PLD1: variants seen among roughly 807,000 people sequenced by gnomAD.
PLD1 encodes phospholipase D1.
In PLD1, 112 loss-of-function variants were observed where a neutral mutation model predicts 137.1. That is an observed-to-expected ratio of 0.82 (90% CI 0.70 to 0.96). The LOEUF (loss-of-function observed/expected upper bound fraction) is 0.96, where lower values mean the gene tolerates loss of function less well. Ranked by LOEUF, PLD1 falls within the 40% of genes least tolerant of loss-of-function variation. The probability of loss-of-function intolerance (pLI) is 0.00; values close to 1 mark genes in which losing one functional copy is unlikely to be tolerated. For missense variants in PLD1, 1,321 were observed against 1,342.0 expected (o/e 0.98, Z 0.24); for synonymous variants, 431 against 454.7 (o/e 0.95, Z 0.66).
intron 1 of PLD1, among the ~76,000 whole-genome samples, chr3:171,806,459 T>C (rs1402979623): frequency 1.3e-5 from 2 of 152,240 alleles, no homozygotes; most frequent in Non-Finnish European, 2.9e-5. Flanking sequence ...AAGTTAGGTT[T>C]ACATGTTTCT....
intron 1 of PLD1, among the ~76,000 whole-genome samples, chr3:171,776,443 T>C (rs1194162114): frequency 6.6e-6 from 1 of 152,234 alleles, no homozygotes; most frequent in East Asian, 1.9e-4. Flanking sequence ...TGATTGGTGA[T>C]CCAGAGTGAA....
chr3:171,705,228 G>GA (rs1716589736), intron 11 of PLD1, among the ~76,000 whole-genome samples: 1 of 152,076 alleles, frequency 6.6e-6, no homozygotes, highest in South Asian at 2.1e-4. Context: ...GGAAAGTTCA[G>GA]AAAAAATGTG....
chr3:171,673,605 T>C (rs1042251374), intron 19 of PLD1, among the ~76,000 whole-genome samples: 40 of 152,150 alleles, frequency 2.6e-4, no homozygotes, highest in African/African-American at 9.4e-4. Context: ...TGATCTACAG[T>C]CTGAAATGTC....
intron 1 of PLD1, among the ~76,000 whole-genome samples, chr3:171,805,087 T>G (rs1289709920): frequency 1.3e-5 from 2 of 152,216 alleles, no homozygotes; most frequent in African/African-American, 4.8e-5. Context: ...AGTTCATAAG[T>G]TTATGGCCTC....
At chr3:171,681,159 C>A (rs763699890) in intron 16 of PLD1, among the ~76,000 whole-genome samples, 36 of 152,338 alleles carry the variant, frequency 2.4e-4, no homozygotes, top group Non-Finnish European at 4.1e-4. Flanking sequence ...CAGCTCATTT[C>A]ATAACTCACA....
Position 171,612,319 on chromosome 3 carries a change from C to G in PLD1, c.2842G>C (p.Ala948Pro), listed in dbSNP as rs760664627. 5.0e-6 allele frequency: 8 copies of G among 1,614,154 alleles called. No homozygotes were observed. The highest frequency in any genetic ancestry group is 5.1e-6 in the Non-Finnish European group (6 of 1,180,024). ...PSVMDGKEYQ[A>P]GRFARGLRLQ... ...CGAAGTCCTCGGGCAAACCGGCCAG[C>G]TTGGTACTCTTTTCCATCCATTACT... Residue 948 changes from alanine (A) to proline (P), a missense_variant, in exon 25 of 27, where the codon GCT (alanine) becomes CCT (proline). Physicochemically the swap from Ala to Pro is conservative, Grantham distance 27 (BLOSUM62 -1). Coordinates refer to ENST00000351298, the MANE Select transcript of PLD1 (RefSeq NM_002662.5). This position sits in a 1 kb window ranked among gnomAD's most constrained non-coding sequence, Gnocchi z 4.1.
At chr3:171,740,102 G>A (rs1719670168) in intron 1 of PLD1, among the ~76,000 whole-genome samples, 2 of 152,076 alleles carry the variant, frequency 1.3e-5, no homozygotes, top group African/African-American at 2.4e-5. Flanking sequence ...CTTTTAACAC[G>A]AAAACCCTAA....
At chr3:171,622,576 T>G (rs1162555835) in intron 23 of PLD1, among the ~76,000 whole-genome samples, 1 of 151,866 alleles carries the variant, frequency 6.6e-6, no homozygotes, top group Non-Finnish European at 1.5e-5. Flanking sequence ...TATCCACTCC[T>G]GATAAAAGCA....
chr3:171,756,082 A>G (rs986591119), intron 1 of PLD1, among the ~76,000 whole-genome samples: 26 of 152,144 alleles, frequency 1.7e-4, no homozygotes, highest in African/African-American at 6.3e-4. Flanking sequence ...CCATCTGACC[A>G]CTGTATTTTA....
rs201447146 is a variant in PLD1 at position 171,677,712 on chromosome 3, C to T, written c.1868-18G>A. The T allele has an allele frequency of 1.2e-6, 2 of 1,612,328 alleles. No individual in the cohort carries two copies. The highest frequency in any genetic ancestry group is 1.3e-5 in the African/African-American group (1 of 74,996). On this transcript the variant is annotated intron_variant, in intron 16 of 26. Transcript: ENST00000351298. ...CCCGGTATCTGTGAATGCAGCAAGA[C>T]CCCCTCAGAGACTGTGGTTCAGGTG...
At chr3:171,709,926 C>T (rs2108565420) in intron 9 of PLD1, among the ~76,000 whole-genome samples, 1 of 152,230 alleles carries the variant, frequency 6.6e-6, no homozygotes, top group Non-Finnish European at 1.5e-5. Context: ...TGCAAACATG[C>T]ATAAAGGTAC....
intron 24 of PLD1, among the ~76,000 whole-genome samples, chr3:171,616,464 C>T (rs1436706373): frequency 1.3e-5 from 2 of 152,152 alleles, no homozygotes; most frequent in Non-Finnish European, 2.9e-5. Flanking sequence ...CGAACTAAGG[C>T]TGTATATGGA....
In PLD1 at chr3:171,604,261, C is replaced by G. The variant is rs184205220; in HGVS notation, c.3001-959G>C. Among the ~76,000 whole-genome samples the G allele has an allele frequency of 1.9e-3, 290 of 150,224 alleles. 2 individuals carry two copies. The highest frequency in any genetic ancestry group is 6.9e-3 in the African/African-American group (282 of 40,692). ...CCCAGGAGGTAGAAATTGCAGTGAG[C>G]CGAGATCATGCCACTGCACTCCAGC... On this transcript the variant is annotated intron_variant, in intron 26 of 26. Transcript: ENST00000351298.
In PLD1 at chr3:171,776,640, C is replaced by T. The variant is rs144312091; in HGVS notation, c.-32+33759G>A. 5.4e-3 allele frequency among the ~76,000 whole-genome samples: 826 copies of T among 152,298 alleles called. 7 individuals are homozygous for T. Among genetic ancestry groups the T allele is most frequent in the African/African-American group, 0.019 (794 of 41,554 alleles). ...TCTGTGACGTGTGTTGCCAGGGCTGCGGTAATGACAACGGCACCTATTGTC... is the reference window on the plus strand; with the variant it reads ...TCTGTGACGTGTGTTGCCAGGGCTGTGGTAATGACAACGGCACCTATTGTC... On this transcript the variant is annotated intron_variant, in intron 1 of 26. Transcript: ENST00000351298.
At chr3:171,620,942 G>T (rs1472067254) in intron 23 of PLD1, among the ~76,000 whole-genome samples, 2 of 151,794 alleles carry the variant, frequency 1.3e-5, no homozygotes, top group African/African-American at 4.8e-5. Context: ...TGTGACATTT[G>T]CTTCTATCCT....
At chr3:171,607,493 A>C (rs140525696) in intron 25 of PLD1, among the ~76,000 whole-genome samples, 1 of 152,260 alleles carries the variant, frequency 6.6e-6, no homozygotes, top group African/African-American at 2.4e-5. Flanking sequence ...GCAATATATT[A>C]TTTTCCCTGG....
intron 1 of PLD1, among the ~76,000 whole-genome samples, chr3:171,786,308 G>A (rs1442709155): frequency 6.6e-6 from 1 of 152,088 alleles, no homozygotes; most frequent in African/African-American, 2.4e-5. Flanking sequence ...ATTTATCCCT[G>A]GCTGAACTAA....
chr3:171,808,815 ATTTTTTT>A (rs60146546), intron 1 of PLD1, among the ~76,000 whole-genome samples: 1,161 of 86,268 alleles, frequency 0.013, 31 homozygotes, highest in African/African-American at 0.052. Context: ...TTAGCATTCA[ATTTTTTT>A]TTTTTTTTTT....
chr3:171,624,933 G>A (rs1578130292), intron 23 of PLD1, among the ~76,000 whole-genome samples: 1 of 152,022 alleles, frequency 6.6e-6, no homozygotes, highest in Non-Finnish European at 1.5e-5. Context: ...ATAAGTACAG[G>A]GTGAAAAAGA....
Sources: allele counts gnomAD v4.1 joint callset (sites outside exome capture counted in the v4.1 genomes callset), GRCh38; gene constraint gnomAD v4.1.1; non-coding constraint Gnocchi (gnomAD v3.1); transcripts MANE v1.5; gene names NCBI Gene and HGNC (gene_info 2026-07-23, HGNC 2026-07-21).